Variants in JARID2 observed in about 807,000 individuals in gnomAD.
JARID2 encodes the protein protein Jumonji.
JARID2 carries 21 observed loss-of-function variants against 125.6 expected under a neutral mutation model. That is an observed-to-expected ratio of 0.17 (90% confidence interval 0.12 to 0.24). The LOEUF (loss-of-function observed/expected upper bound fraction) is 0.24, where lower values mean the gene tolerates loss of function less well. Among genes scored for constraint, JARID2 ranks in the 10% least tolerant of loss-of-function variants. JARID2 has a pLI of 1.00. For synonymous variants in JARID2, 736 were observed against 661.6 expected (o/e 1.11, Z -1.73); for missense variants, 1,303 against 1,639.6 (o/e 0.79, Z 3.55).
intron 3 of JARID2, among the ~76,000 whole-genome samples, chr6:15,421,194 C>A (rs574184888): frequency 6.6e-6 from 1 of 152,080 alleles, no homozygotes; most frequent in African/African-American, 2.4e-5. Flanking sequence ...GTTTTCCATC[C>A]GTCAGGGATC....
intron 3 of JARID2, 88 bp from the exon 4 acceptor site, chr6:15,451,914 TCCCC>T: frequency 4.9e-6 from 6 of 1,231,066 alleles, no homozygotes; most frequent in Admixed American, 2.7e-5. Flanking sequence ...GGATCTTTTT[TCCCC>T]TTATGTGTCA....
chr6:15,420,699 G>A (rs1414063762), intron 3 of JARID2, among the ~76,000 whole-genome samples: 1 of 152,286 alleles, frequency 6.6e-6, no homozygotes, highest in East Asian at 1.9e-4. Context: ...CTTGAGCATT[G>A]TTCTGAGATC....
At chr6:15,379,343 A>G (rs887583160) in intron 2 of JARID2, among the ~76,000 whole-genome samples, 1 of 152,152 alleles carries the variant, frequency 6.6e-6, no homozygotes, top group East Asian at 1.9e-4. Flanking sequence ...GTTGTAGATA[A>G]TGCCACTTTT....
intron 8 of JARID2, among the ~76,000 whole-genome samples, chr6:15,503,548 A>G (rs541682894): frequency 1.6e-3 from 245 of 152,006 alleles, no homozygotes; most frequent in African/African-American, 5.7e-3. Context: ...CCCACTCTAC[A>G]TGACACCTGG....
rs1282106082 is a variant in JARID2, at chr6:15,452,116, C to T, written c.434C>T (p.Ser145Leu). 6.2e-7 allele frequency: 1 copy of T among 1,614,118 alleles called. No homozygotes were observed. The highest frequency in any genetic ancestry group is 8.5e-7 in the Non-Finnish European group (1 of 1,180,020). The change falls in exon 4 of 18, where the codon TCA (serine) becomes TTA (leucine). Residue 145 changes from serine to leucine, a missense_variant. By Grantham distance (145) the Ser-to-Leu change is moderately radical. This residue lies in a region of JARID2 where 42 missense variants were observed against 35.7 expected (regional missense o/e 1.18). Transcript: ENST00000341776. ...CTACCCCCTCCAGCTACTCAGATATCAGACCTCTCTAAAAGGAAGCCTAAG... is the reference window on the plus strand; with the variant it reads ...CTACCCCCTCCAGCTACTCAGATATTAGACCTCTCTAAAAGGAAGCCTAAG... ...PLLPPPATQI[S>L]DLSKRKPKTE... is the part of the protein sequence containing the mutation.
chr6:15,412,296 T>A (rs1765911186), intron 3 of JARID2, among the ~76,000 whole-genome samples: 1 of 152,072 alleles, frequency 6.6e-6, no homozygotes, highest in Non-Finnish European at 1.5e-5. Context: ...GTCATTAGGG[T>A]ATGCATTTCT....
At chr6:15,341,277 C>T (rs1209472977) in intron 1 of JARID2, among the ~76,000 whole-genome samples, 1 of 152,146 alleles carries the variant, frequency 6.6e-6, no homozygotes, top group East Asian at 1.9e-4. Context: ...GTTTTTCCCT[C>T]CCATATGTTC....
intron 1 of JARID2, among the ~76,000 whole-genome samples, chr6:15,357,190 G>A (rs896288709): frequency 3.3e-5 from 5 of 152,176 alleles, no homozygotes; most frequent in Admixed American, 1.3e-4. Context: ...AAAGTCATGC[G>A]TTTTTTCATT....
At chr6:15,413,989 C>A (rs1766016819) in intron 3 of JARID2, among the ~76,000 whole-genome samples, 1 of 152,142 alleles carries the variant, frequency 6.6e-6, no homozygotes, top group Non-Finnish European at 1.5e-5. Flanking sequence ...AGCATTTTCA[C>A]TTTATTTTTT....
intron 3 of JARID2, among the ~76,000 whole-genome samples, chr6:15,424,508 A>G (rs375037514): frequency 2.0e-5 from 3 of 152,188 alleles, no homozygotes; most frequent in South Asian, 4.2e-4. Context: ...TCCCTGGGGG[A>G]GTCAGTTATC....
chr6:15,422,254 T>C lies in JARID2; in HGVS notation c.323+11889T>C, dbSNP rs1244762159. ...GTTCTCTGTCCTTCTGGACGAATAC[T>C]CTTTTTCTTTACTTTTCCTGCAGTG... On this transcript the variant is annotated intron_variant, in intron 3 of 17. Coordinates refer to ENST00000341776, the MANE Select transcript of JARID2 (RefSeq NM_004973.4). Among the ~76,000 whole-genome samples the C allele has an allele frequency of 5.3e-5, 8 of 152,350 alleles. No individual in the cohort carries two copies. The East Asian group carries it at 1.5e-3, about 29-fold the overall frequency.
rs115792786 is a variant in JARID2 at position 15,434,564 on chromosome 6, G to T, written c.324-17442G>T. The stretch of plus-strand genomic sequence containing the variant: ...CACACCCCTGGGCACAACAGGAAAT[G>T]AACCCATTCATTTATCCAAGTGTGA... On this transcript the variant is annotated intron_variant, in intron 3 of 17. Coordinates refer to ENST00000341776, the MANE Select transcript of JARID2 (RefSeq NM_004973.4). Among the ~76,000 whole-genome samples the T allele has an allele frequency of 4.9e-3, 745 of 152,298 alleles. 7 individuals are homozygous for T. The highest frequency in any genetic ancestry group is 0.017 in the African/African-American group (714 of 41,560).
At chr6:15,407,094 TA>T (rs1250712709) in intron 2 of JARID2, among the ~76,000 whole-genome samples, 3 of 146,548 alleles carry the variant, frequency 2.0e-5, no homozygotes, top group African/African-American at 5.0e-5. Flanking sequence ...ACCCCATGTA[TA>T]AAAAAAAAAG....
At chr6:15,451,277 A>T (rs1767909532) in intron 3 of JARID2, among the ~76,000 whole-genome samples, 1 of 152,282 alleles carries the variant, frequency 6.6e-6, no homozygotes, top group Non-Finnish European at 1.5e-5. Flanking sequence ...ATGGTAAGTT[A>T]GGGAGTTAGC....
In JARID2 at chr6:15,520,537, C is replaced by CT. The variant is rs201309875; in HGVS notation, c.*295dup. 2.5e-3 allele frequency: 866 copies of CT among 346,782 alleles called. 2 individuals carry two copies. Among genetic ancestry groups the CT allele is most frequent in the Middle Eastern group, 0.012 (13 of 1,078 alleles). The allele number at this position is 346,782 out of a possible 1,614,324, so 21.5% of individuals were successfully genotyped here. A position where few individuals can be genotyped will look rare whatever the true frequency, so the allele number is the denominator to read the frequency against. On this transcript the variant is annotated 3_prime_UTR_variant, in exon 18 of 18. Transcript: ENST00000341776. Reference sequence around the variant, plus strand: ...GTATTGCCCCATGGCTGACAAAAGCCTTTTTTTTTGGTTTTGATTTTTTTT... The same window carrying CT: ...GTATTGCCCCATGGCTGACAAAAGCCTTTTTTTTTTGGTTTTGATTTTTTTT...
intron 6 of JARID2, among the ~76,000 whole-genome samples, chr6:15,491,214 G>C (rs978361921): frequency 5.3e-5 from 8 of 152,204 alleles, no homozygotes; most frequent in Admixed American, 3.9e-4. Context: ...AATTGCACTT[G>C]CTGGTGGTGG....
intron 2 of JARID2, among the ~76,000 whole-genome samples, chr6:15,394,856 C>T (rs527519491): frequency 2.6e-5 from 4 of 152,196 alleles, no homozygotes; most frequent in African/African-American, 9.6e-5. Context: ...CCAGCTACCC[C>T]AGCGGCTTCA....
chr6:15,480,778 A>G (rs780747171), intron 5 of JARID2, among the ~76,000 whole-genome samples: 3 of 152,138 alleles, frequency 2.0e-5, no homozygotes, highest in Non-Finnish European at 4.4e-5. Context: ...AGTTCAGGGA[A>G]TTGAGGCCCA....
chr6:15,333,033 G>A (rs1405244914), intron 1 of JARID2, among the ~76,000 whole-genome samples: 1 of 137,306 alleles, frequency 7.3e-6, no homozygotes, highest in African/African-American at 2.7e-5. Context: ...CCGGGTTCAC[G>A]CCATTCTCCT....
Sources: allele counts gnomAD v4.1 joint callset (sites outside exome capture counted in the v4.1 genomes callset), GRCh38; gene constraint gnomAD v4.1.1; regional missense constraint gnomAD v4.1.1; transcripts MANE v1.5; gene names NCBI Gene and HGNC (gene_info 2026-07-23, HGNC 2026-07-21).